LRRFIP2: variants seen among roughly 807,000 people sequenced by gnomAD.
LRRFIP2 encodes LRR binding FLII interacting protein 2, also known as leucine-rich repeat flightless-interacting protein 2.
LRRFIP2 carries 109 observed loss-of-function variants against 125.9 expected under a neutral mutation model. The ratio of observed to expected loss-of-function variants is 0.87; its 90% CI spans 0.74 to 1.01. LRRFIP2 has a LOEUF of 1.01. Among genes scored for constraint, LRRFIP2 ranks in the 50% least tolerant of loss-of-function variants. The pLI is 0.00. For missense variants in LRRFIP2, 850 were observed against 862.3 expected (o/e 0.99, Z 0.18); for synonymous variants, 291 against 293.1 (o/e 0.99, Z 0.07).
intron 9 of LRRFIP2, 81 bp downstream of exon 9, chr3:37,110,910 C>T: frequency 2.3e-6 from 3 of 1,278,788 alleles, no homozygotes; most frequent in Non-Finnish European, 3.4e-6. Context: ...TTAGTTACAG[C>T]TAGTCAAAAT....
chr3:37,060,759 T>C lies in LRRFIP2; in HGVS notation c.1750-1849A>G, dbSNP rs1229342719. On this transcript the variant is annotated intron_variant, in intron 24 of 27. Coordinates refer to ENST00000336686, the MANE Select transcript of LRRFIP2 (RefSeq NM_006309.4). This position sits in a 1 kb window ranked among gnomAD's most constrained non-coding sequence, Gnocchi z 4.1. ...AATTATATACACTAACTACTTATCA[T>C]TGCCAAAATCCCATTCCTTCATCAC... is the stretch of plus-strand genomic sequence containing the variant. Among the ~76,000 whole-genome samples, 1 of 152,216 alleles carries C rather than the reference T, an allele frequency of 6.6e-6. No homozygotes were observed. The highest frequency in any genetic ancestry group is 1.5e-5 in the Non-Finnish European group (1 of 68,040).
chr3:37,118,624 C>T (rs936065555), intron 6 of LRRFIP2, among the ~76,000 whole-genome samples: 5 of 152,212 alleles, frequency 3.3e-5, no homozygotes, highest in African/African-American at 1.2e-4. Flanking sequence ...CTGACACCAA[C>T]ATTTCCAGCC....
At chr3:37,175,862 G>C (rs1284897039), upstream of LRRFIP2, 4 of 152,190 alleles carry the variant, frequency 2.6e-5, no homozygotes, top group East Asian at 1.9e-4. Context: ...AAATCAGACG[G>C]GATGTCTGAG....
chr3:37,055,165 C>A lies in LRRFIP2; in HGVS notation c.1871G>T (p.Arg624Ile). The change falls in exon 26 of 28, where the codon AGA (arginine) becomes ATA (isoleucine). Residue 624 changes from arginine to isoleucine, a missense_variant and splice_region_variant. Arg to Ile is a moderately conservative substitution (Grantham distance 97, BLOSUM62 -3). Transcript: ENST00000336686. Reference protein sequence around the residue: ...GSDLQFIEMQRDANRQISEYK... With the variant: ...GSDLQFIEMQIDANRQISEYK... ...TTCGCTAATTTGTCTATTGGCATCT[C>A]CTAGAACAGAAGAAGACAATGAATT... The A allele has an allele frequency of 6.4e-7, 1 of 1,572,628 alleles. No homozygotes were observed. Among genetic ancestry groups the A allele is most frequent in the Non-Finnish European group, 8.6e-7 (1 of 1,159,862 alleles).
intron 1 of LRRFIP2, among the ~76,000 whole-genome samples, chr3:37,166,198 C>T (rs1036952813): frequency 1.3e-5 from 2 of 152,006 alleles, no homozygotes; most frequent in South Asian, 2.1e-4. Context: ...GGCATGGTGG[C>T]GCATGCCTGT....
intron 4 of LRRFIP2, among the ~76,000 whole-genome samples, chr3:37,126,237 C>G (rs907907346): frequency 6.6e-6 from 1 of 152,206 alleles, no homozygotes; most frequent in South Asian, 2.1e-4. Context: ...ACCATGTTGG[C>G]CAGGCTGGTC....
At chr3:37,091,667 A>C in intron 17 of LRRFIP2, 129 bp from the exon 18 acceptor site, 1 of 660,260 alleles carries the variant, frequency 1.5e-6, no homozygotes. Context: ...CAAAGTACAA[A>C]AACATAACTC....
chr3:37,081,097 G>C (rs915117351), intron 19 of LRRFIP2, among the ~76,000 whole-genome samples: 4 of 152,022 alleles, frequency 2.6e-5, no homozygotes, highest in African/African-American at 9.7e-5. Context: ...TCCACAAAAA[G>C]ATTTTTAAAA....
chr3:37,127,732 T>C, intron 3 of LRRFIP2, 52 bp from the exon 4 acceptor site: 1 of 1,377,948 alleles, frequency 7.3e-7, no homozygotes, highest in Non-Finnish European at 1.0e-6. Context: ...TATTGCATTC[T>C]CCAAAAACCT....
intron 14 of LRRFIP2, among the ~76,000 whole-genome samples, chr3:37,104,420 T>A (rs113507275): frequency 1.3e-5 from 2 of 152,232 alleles, no homozygotes; most frequent in African/African-American, 4.8e-5. Flanking sequence ...GTTGTGAGCG[T>A]GAGCATTAGT....
At chr3:37,157,960 A>G (rs975155286) in intron 1 of LRRFIP2, among the ~76,000 whole-genome samples, 2 of 152,220 alleles carry the variant, frequency 1.3e-5, no homozygotes, top group African/African-American at 2.4e-5. Flanking sequence ...CACTATCCTC[A>G]TGTCTCCAAC....
upstream of LRRFIP2, chr3:37,175,344 T>C (rs2096644719): frequency 6.6e-6 from 1 of 152,222 alleles, no homozygotes; most frequent in African/African-American, 2.4e-5. Flanking sequence ...GAAAACCAGC[T>C]ACTAACAGTT....
At chr3:37,055,040 G>T in intron 26 of LRRFIP2, 46 bp downstream of exon 26, 1 of 1,281,302 alleles carries the variant, frequency 7.8e-7, no homozygotes, top group Non-Finnish European at 1.1e-6. Flanking sequence ...CCACTTAGAT[G>T]CAGGAAGGAC....
At chr3:37,076,321 C>G (rs1488775480) in intron 19 of LRRFIP2, among the ~76,000 whole-genome samples, 1 of 151,888 alleles carries the variant, frequency 6.6e-6, no homozygotes, top group African/African-American at 2.4e-5. Context: ...CCGAAGAATT[C>G]AAGACCCTGC....
At chr3:37,093,481 C>A (rs2093573462) in intron 17 of LRRFIP2, among the ~76,000 whole-genome samples, 2 of 152,154 alleles carry the variant, frequency 1.3e-5, no homozygotes, top group Non-Finnish European at 2.9e-5. Flanking sequence ...TCTTAAATTT[C>A]TCTCTCCCTA....
intron 6 of LRRFIP2, among the ~76,000 whole-genome samples, chr3:37,115,620 A>C (rs1197742603): frequency 1.3e-5 from 2 of 152,190 alleles, no homozygotes; most frequent in Non-Finnish European, 2.9e-5. Flanking sequence ...GCTTGTGAAC[A>C]AACACCTAAG....
chr3:37,132,181 G>C (rs2095444377), intron 2 of LRRFIP2, among the ~76,000 whole-genome samples: 1 of 151,734 alleles, frequency 6.6e-6, no homozygotes, highest in South Asian at 2.1e-4. Context: ...TTAAGCTTAA[G>C]TAGATAGCAA....
intron 4 of LRRFIP2, among the ~76,000 whole-genome samples, chr3:37,126,025 G>GTTA (rs2095259485): frequency 1.3e-5 from 2 of 150,974 alleles, no homozygotes; most frequent in Admixed American, 1.3e-4. Flanking sequence ...TGTTGTTGTT[G>GTTA]TTGTTGTTTG....
In LRRFIP2 at chr3:37,152,976, T is replaced by G. The variant is rs1243745461; in HGVS notation, c.-55-3938A>C. The stretch of plus-strand genomic sequence containing the variant: ...CTAATTCCAGACACATAAAAATCAT[T>G]AGAGAATAAAAATAGATTTGGCTGG... On this transcript the variant is annotated intron_variant, in intron 1 of 27. Transcript: ENST00000336686. 9.9e-5 allele frequency among the ~76,000 whole-genome samples: 15 copies of G among 152,114 alleles called. 1 individual carries two copies. Among genetic ancestry groups the G allele is most frequent in the Admixed American group, 9.8e-4 (15 of 15,250 alleles).
Sources: gnomAD v4.1 joint callset for allele counts (sites outside exome capture counted in the v4.1 genomes callset) on GRCh38, gnomAD v4.1.1 for gene constraint, Gnocchi (gnomAD v3.1) non-coding constraint, MANE v1.5 for transcripts, NCBI Gene and HGNC (gene_info 2026-07-23, HGNC 2026-07-21) for gene names.